Variants in GOLIM4 observed in about 807,000 individuals in gnomAD.
GOLIM4 encodes 130 kDa golgi-localized phosphoprotein.
GOLIM4 carries 71 observed loss-of-function variants against 107.4 expected under a neutral mutation model. The observed-to-expected ratio is 0.66, with a 90% CI of 0.55 to 0.81. The LOEUF is 0.81. GOLIM4 is among the 30% of genes least tolerant of loss of function. GOLIM4 has a pLI of 0.00. For missense variants in GOLIM4, 830 were observed against 826.1 expected (o/e 1.00, Z -0.06); for synonymous variants, 327 against 294.8 (o/e 1.11, Z -1.12).
chr3:168,089,582 A>G (rs930193888), intron 1 of GOLIM4, among the ~76,000 whole-genome samples: 1 of 152,216 alleles, frequency 6.6e-6, no homozygotes, highest in African/African-American at 2.4e-5. Flanking sequence ...AAAATAAGAT[A>G]GCAGAAAATC....
intron 1 of GOLIM4, among the ~76,000 whole-genome samples, chr3:168,071,974 G>A (rs1410112472): frequency 1.3e-5 from 2 of 152,004 alleles, no homozygotes; most frequent in Non-Finnish European, 2.9e-5. Flanking sequence ...ATCTGCTTCT[G>A]GGCGTCAAAT....
chr3:168,089,769 CTTTT>C (rs558179583), intron 1 of GOLIM4, among the ~76,000 whole-genome samples: 3 of 137,884 alleles, frequency 2.2e-5, no homozygotes, highest in Non-Finnish European at 1.6e-5. Context: ...ATGTTTCTCT[CTTTT>C]TTTTTTTTTT....
chr3:168,019,393 AAAC>A lies in GOLIM4; in HGVS notation c.1860+5130_1860+5132del, dbSNP rs1481507485. ...CACAGTATATATATCTAAAAACAAT[AAAC>A]AACTTATATAATCATACTGTGATTA... On this transcript the variant is annotated intron_variant, in intron 14 of 15. Transcript: ENST00000470487. 3.3e-5 allele frequency among the ~76,000 whole-genome samples: 5 copies of A among 152,358 alleles called. No individual in the cohort carries two copies. In the East Asian group the frequency reaches 5.8e-4, roughly 18 times the overall value.
At chr3:168,091,561 G>A (rs1334006599) in intron 1 of GOLIM4, among the ~76,000 whole-genome samples, 2 of 152,132 alleles carry the variant, frequency 1.3e-5, no homozygotes, top group Non-Finnish European at 2.9e-5. Flanking sequence ...AAAGGAGGTG[G>A]TTAGCTACAT....
intron 8 of GOLIM4, among the ~76,000 whole-genome samples, chr3:168,033,606 C>CAAAAAAAAAAAAAAAAAAAAAAAAAA (rs61728774): frequency 3.2e-5 from 1 of 31,306 alleles, no homozygotes; most frequent in Non-Finnish European, 6.2e-5. Flanking sequence ...GACTCCGTCT[C>CAAAAAAAAAAAAAAAAAAAAAAAAAA]AAAAAAAAAA....
At chr3:168,040,704 G>T (rs1420262650) in intron 7 of GOLIM4, 82 bp downstream of exon 7, 1 of 837,542 alleles carries the variant, frequency 1.2e-6, no homozygotes. Flanking sequence ...AGATTGGCTT[G>T]TAAGAGACTA....
rs183193383 is a variant in GOLIM4 at position 168,020,943 on chromosome 3, C to T, written c.1860+3583G>A. On this transcript the variant is annotated intron_variant, in intron 14 of 15. Coordinates refer to ENST00000470487, the MANE Select transcript of GOLIM4 (RefSeq NM_014498.5). Reference sequence around the variant, plus strand: ...AAATGATATTCTTTTATAATGTAGACATACAGATTATGTCTCCCACAACTG... The same window carrying T: ...AAATGATATTCTTTTATAATGTAGATATACAGATTATGTCTCCCACAACTG... Among the ~76,000 whole-genome samples, 36 of 152,282 alleles carry T rather than the reference C, an allele frequency of 2.4e-4. 1 individual carries two copies. The East Asian group carries it at 7.0e-3, about 29-fold the overall frequency.
intron 1 of GOLIM4, among the ~76,000 whole-genome samples, chr3:168,058,593 C>T (rs1263158203): frequency 2.0e-5 from 3 of 152,082 alleles, no homozygotes; most frequent in African/African-American, 4.8e-5. Flanking sequence ...AATAAATACA[C>T]GTTGTGAGAA....
chr3:168,060,076 G>T (rs1330215332), intron 1 of GOLIM4, among the ~76,000 whole-genome samples: 1 of 151,286 alleles, frequency 6.6e-6, no homozygotes, highest in Non-Finnish European at 1.5e-5. Context: ...TTTTACTCTT[G>T]GAGAAATTGG....
At chr3:168,046,108 G>T (rs141343782) in intron 3 of GOLIM4, among the ~76,000 whole-genome samples, 1 of 152,096 alleles carries the variant, frequency 6.6e-6, no homozygotes, top group African/African-American at 2.4e-5. Flanking sequence ...CCTGGCCTCA[G>T]GCAATCCTCC....
chr3:168,052,357 T>C (rs1577542912), intron 1 of GOLIM4, among the ~76,000 whole-genome samples: 1 of 85,062 alleles, frequency 1.2e-5, no homozygotes, highest in African/African-American at 7.4e-5. Context: ...TATATGTGCA[T>C]ATATATATAT....
Position 168,008,925 on chromosome 3 carries a change from C to A in GOLIM4, c.*1344G>T, listed in dbSNP as rs1247233874. Reference sequence around the variant, plus strand: ...CAAAACATTCCTATGCGTACATACACAATCACTCAACTGGAACAATCAAAA... The same window carrying A: ...CAAAACATTCCTATGCGTACATACAAAATCACTCAACTGGAACAATCAAAA... On this transcript the variant is annotated 3_prime_UTR_variant, in exon 16 of 16. Transcript: ENST00000470487. The A allele has an allele frequency of 6.6e-6, 1 of 151,986 alleles. No homozygotes were observed. Among genetic ancestry groups the A allele is most frequent in the African/African-American group, 2.4e-5 (1 of 41,386 alleles). The allele number at this position is 151,986 out of a possible 1,614,324, so 9.4% of individuals were successfully genotyped here.
At chr3:168,025,251 C>T (rs1190010433) in intron 12 of GOLIM4, among the ~76,000 whole-genome samples, 156 bp from the exon 13 acceptor site, 2 of 152,200 alleles carry the variant, frequency 1.3e-5, no homozygotes, top group Non-Finnish European at 1.5e-5. Context: ...AAGCATCACA[C>T]TGTCAAAAGA....
intron 1 of GOLIM4, among the ~76,000 whole-genome samples, chr3:168,069,277 T>C (rs963674122): frequency 1.3e-5 from 2 of 152,186 alleles, no homozygotes; most frequent in East Asian, 1.9e-4. Flanking sequence ...AAGCGAAAGA[T>C]AAAAATGTAC....
rs370868596 is a variant in GOLIM4, at chr3:168,057,984, A to G, written c.188-9619T>C. ...TCATTAGTACCACATGTCCCAGAAA[A>G]GAGATAGATAACAGAATAGAGATTA... On this transcript the variant is annotated intron_variant, in intron 1 of 15. Coordinates refer to ENST00000470487, the MANE Select transcript of GOLIM4 (RefSeq NM_014498.5). Among the ~76,000 whole-genome samples the G allele has an allele frequency of 2.6e-5, 4 of 152,222 alleles. No individual in the cohort carries two copies. The East Asian group carries it at 5.8e-4, about 22-fold the overall frequency.
Position 168,027,282 on chromosome 3 carries a change from CAG to C in GOLIM4, c.1623+444_1623+445del, listed in dbSNP as rs1205676673. Among the ~76,000 whole-genome samples, 9 of 152,312 alleles carry C rather than the reference CAG, an allele frequency of 5.9e-5. No individual in the cohort carries two copies. In the East Asian group the frequency reaches 1.7e-3, roughly 29 times the overall value. ...TGGTCACTAGACTGCTAAGAGATTA[CAG>C]AGAGTCACACAAATACCTAACACTC... is the stretch of plus-strand genomic sequence containing the variant. On this transcript the variant is annotated intron_variant, in intron 12 of 15. Transcript: ENST00000470487.
intron 14 of GOLIM4, among the ~76,000 whole-genome samples, chr3:168,020,025 C>T (rs11914431): frequency 0.28 from 42,899 of 152,104 alleles, 11,185 homozygotes; most frequent in African/African-American, 0.7. Flanking sequence ...AACTTCCCCA[C>T]ATCAACTATA....
chr3:168,012,176 A>C (rs1386482997), intron 14 of GOLIM4, among the ~76,000 whole-genome samples: 1 of 128,652 alleles, frequency 7.8e-6, no homozygotes, highest in Non-Finnish European at 1.5e-5. Context: ...AGAATAACCA[A>C]TACAGAGAAG....
intron 14 of GOLIM4, among the ~76,000 whole-genome samples, chr3:168,011,213 A>G (rs1393768208): frequency 1.3e-5 from 2 of 149,614 alleles, no homozygotes; most frequent in Admixed American, 6.6e-5. Context: ...AAGCAGGGCG[A>G]GGCATTGTCT....
Sources: allele counts gnomAD v4.1 joint callset (sites outside exome capture counted in the v4.1 genomes callset), GRCh38; gene constraint gnomAD v4.1.1; transcripts MANE v1.5; gene names NCBI Gene and HGNC (gene_info 2026-07-23, HGNC 2026-07-21).